Variants in KMT2A observed in about 807,000 individuals in gnomAD.
KMT2A encodes the protein histone-lysine N-methyltransferase 2A.
KMT2A carries 16 observed loss-of-function variants against 345.3 expected under a neutral mutation model. The observed-to-expected ratio is 0.05, with a 90% CI of 0.03 to 0.07. KMT2A has a LOEUF of 0.07. Among genes scored for constraint, KMT2A ranks in the 10% least tolerant of loss-of-function variants. The pLI, the probability that KMT2A is intolerant of heterozygous loss-of-function variation, is 1.00. For synonymous variants in KMT2A, 1,599 were observed against 1,778.6 expected, an observed-to-expected ratio of 0.90 and a Z score of 2.54; for missense variants, 3,272 against 4,841.6, an observed-to-expected ratio of 0.68 and a Z score of 9.62.
intron 1 of KMT2A, among the ~76,000 whole-genome samples, chr11:118,446,327 G>A (rs1391797253): frequency 6.6e-6 from 1 of 152,136 alleles, no homozygotes; most frequent in Admixed American, 6.6e-5. Flanking sequence ...CCATCCTGGA[G>A]GATAGAGTGA....
At chr11:118,469,081 G>A (rs915953441) in intron 2 of KMT2A, among the ~76,000 whole-genome samples, 12 of 151,952 alleles carry the variant, frequency 7.9e-5, no homozygotes, top group Middle Eastern at 3.2e-3. Flanking sequence ...ATGCTGGTGC[G>A]CTGCACCCAC....
intron 27 of KMT2A, 133 bp from the exon 28 acceptor site, chr11:118,507,396 G>A (rs184959184): frequency 1.4e-6 from 1 of 708,148 alleles, no homozygotes; most frequent in East Asian, 2.7e-5. Context: ...TAACCTTTAT[G>A]ACCTTAGGTC....
At chr11:118,461,835 A>G (rs1336071923) in intron 1 of KMT2A, among the ~76,000 whole-genome samples, 1 of 152,194 alleles carries the variant, frequency 6.6e-6, no homozygotes, top group African/African-American at 2.4e-5. Context: ...CAACACTCTT[A>G]CCTTGTTTCC....
At chr11:118,449,678 C>CT (rs1555028239) in intron 1 of KMT2A, 1 of 151,844 alleles carries the variant, frequency 6.6e-6, no homozygotes, top group African/African-American at 2.4e-5. Flanking sequence ...CTTTTGTCAT[C>CT]TAATTTTACA....
chr11:118,496,009 TCATCCTTAAATGTAATAC>T lies in KMT2A; in HGVS notation c.5557+121_5557+138del. 3.0e-6 allele frequency: 3 copies of T among 985,258 alleles called. No individual in the cohort carries two copies. Among genetic ancestry groups the T allele is most frequent in the Non-Finnish European group, 4.6e-6 (3 of 653,288 alleles). The allele number at this position is 985,258 out of a possible 1,614,324, so 61.0% of individuals were successfully genotyped here. On this transcript the variant is annotated intron_variant, in intron 19 of 35. Transcript: ENST00000534358. This position sits in a 1 kb window ranked among gnomAD's most constrained non-coding sequence, Gnocchi z 4.7. ...TGGATATCAGAAAGGAATTTTCAGG[TCATCCTTAAATGTAATAC>T]CATCATTAATTTTGCTTCACTTGAG...
intron 28 of KMT2A, among the ~76,000 whole-genome samples, chr11:118,508,628 C>G (rs181350301): frequency 6.7e-6 from 1 of 149,740 alleles, no homozygotes. Flanking sequence ...CAAGCTAAGG[C>G]GGGAGGATTG....
rs1289509380 is a variant in KMT2A at position 118,473,058 on chromosome 11, C to T, written c.1899C>T (p.Ser633=). 6.2e-7 allele frequency: 1 copy of T among 1,614,012 alleles called. No individual in the cohort carries two copies. The highest frequency in any genetic ancestry group is 2.2e-5 in the East Asian group (1 of 44,890). The change falls in exon 3 of 36, where the codon TCC becomes TCT. Residue 633 remains serine, a synonymous_variant. Coordinates refer to ENST00000534358, the MANE Select transcript of KMT2A (RefSeq NM_001197104.2). This position sits in a 1 kb window ranked among gnomAD's most constrained non-coding sequence, Gnocchi z 5.2. ...CTAGGTCAGAGCCACAATACTTTTC[C>T]TCAGCAAAGTATGCCAAAGAAGGTC... ...KHSRSEPQYF[S]SAKYAKEGLI...
Position 118,491,132 on chromosome 11 carries a change from C to A in KMT2A, c.4697-64C>A. The stretch of plus-strand genomic sequence containing the variant: ...TTAGATTGGGTTGGTAAATGCAAGT[C>A]GAGGGCCGTAAAAACACGGGTATGT... On this transcript the variant is annotated intron_variant, in intron 13 of 35. Coordinates refer to ENST00000534358, the MANE Select transcript of KMT2A (RefSeq NM_001197104.2). The surrounding 1 kb of genome is among the most constrained non-coding windows in gnomAD (Gnocchi z 4.2). 1 of 1,569,256 alleles carries A rather than the reference C, an allele frequency of 6.4e-7. No individual in the cohort carries two copies. The highest frequency in any genetic ancestry group is 8.7e-7 in the Non-Finnish European group (1 of 1,153,828).
intron 1 of KMT2A, among the ~76,000 whole-genome samples, chr11:118,463,016 C>A (rs1311997750): frequency 6.6e-6 from 1 of 152,142 alleles, no homozygotes; most frequent in Admixed American, 6.5e-5. Context: ...GAATACATTG[C>A]AGTTAGGATT....
chr11:118,488,816 T>A, intron 11 of KMT2A, 56 bp downstream of exon 11: 1 of 1,555,416 alleles, frequency 6.4e-7, no homozygotes, highest in Non-Finnish European at 8.8e-7. Context: ...GGGTTCTGTA[T>A]CCCTGGACTC....
intron 1 of KMT2A, among the ~76,000 whole-genome samples, chr11:118,455,658 C>CTTA (rs1284462517): frequency 6.6e-6 from 1 of 150,762 alleles, no homozygotes; most frequent in Non-Finnish European, 1.5e-5. Context: ...CTCTCTGCCC[C>CTTA]TTATTATTAT....
In KMT2A at chr11:118,488,746, C is replaced by T. The variant is rs1950274287; in HGVS notation, c.4465C>T (p.His1489Tyr). Residue 1489 changes from histidine (H) to tyrosine (Y), a missense_variant, in exon 11 of 36, where the codon CAT (histidine) becomes TAT (tyrosine). His to Tyr is a moderately conservative substitution (Grantham distance 83). Around this residue, in one of 27 missense-constraint regions of KMT2A, gnomAD observed 120 missense variants for 280.4 expected, o/e 0.43. Transcript: ENST00000534358. ...ATTCTGTCACGTTTGTGGAAGGCAA[C>T]ATCAGGCTACAAAGGTACAAAACTT... ...CKFCHVCGRQ[H>Y]QATKQLLECN... is the part of the protein sequence containing the mutation. 3 of 1,613,976 alleles carry T rather than the reference C, an allele frequency of 1.9e-6. No homozygotes were observed. Among genetic ancestry groups the T allele is most frequent in the South Asian group, 2.2e-5 (2 of 91,070 alleles).
intron 1 of KMT2A, among the ~76,000 whole-genome samples, chr11:118,445,341 A>G (rs1207058158): frequency 6.6e-6 from 1 of 152,214 alleles, no homozygotes; most frequent in Non-Finnish European, 1.5e-5. Flanking sequence ...CAGTGCCTCC[A>G]TGAGTTGCTA....
At position 118,521,868 on chromosome 11, in the gene KMT2A, A is replaced by G. The variant is rs1555053668; in HGVS notation, c.11644-29A>G. ...AAAGCTGAGTTTATAAGAAATGACA[A>G]GTTCTTCTCCCTTCTTCTGCATGTG... is the stretch of plus-strand genomic sequence containing the variant. On this transcript the variant is annotated intron_variant, in intron 35 of 35. Coordinates refer to ENST00000534358, the MANE Select transcript of KMT2A (RefSeq NM_001197104.2). The surrounding 1 kb of genome is among the most constrained non-coding windows in gnomAD (Gnocchi z 5.3). The G allele has an allele frequency of 1.2e-6, 2 of 1,600,136 alleles. No individual in the cohort carries two copies. The highest frequency in any genetic ancestry group is 3.3e-5 in the Admixed American group (2 of 59,804).
In KMT2A at chr11:118,505,636, T is replaced by G; in HGVS notation, c.9744T>G (p.Pro3248=). Residue 3248 remains proline, a synonymous_variant, in exon 27 of 36, where the codon CCT becomes CCG. Coordinates refer to ENST00000534358, the MANE Select transcript of KMT2A (RefSeq NM_001197104.2). This position sits in a 1 kb window ranked among gnomAD's most constrained non-coding sequence, Gnocchi z 4.6. ...APSSTPSNIA[P]SDVVSNMTLI... is the part of the protein sequence containing the mutation. ...CTAGTACCCCTTCAAACATTGCCCC[T>G]TCTGATGTGGTTTCTAATATGACAT... 3.1e-6 allele frequency: 5 copies of G among 1,614,164 alleles called. No individual in the cohort carries two copies. Among genetic ancestry groups the G allele is most frequent in the Non-Finnish European group, 4.2e-6 (5 of 1,180,022 alleles).
Position 118,520,642 on chromosome 11 carries a change from C to T in KMT2A, c.11430-160C>T. 1 of 613,544 alleles carries T rather than the reference C, an allele frequency of 1.6e-6. No individual in the cohort carries two copies. Among genetic ancestry groups the T allele is most frequent in the Non-Finnish European group, 2.9e-6 (1 of 339,484 alleles). The allele number at this position is 613,544 out of a possible 1,614,324, so 38.0% of individuals were successfully genotyped here. On this transcript the variant is annotated intron_variant, in intron 33 of 35. Coordinates refer to ENST00000534358, the MANE Select transcript of KMT2A (RefSeq NM_001197104.2). The surrounding 1 kb of genome is among the most constrained non-coding windows in gnomAD (Gnocchi z 4.3). Reference sequence around the variant, plus strand: ...CTCCAGCCTGGGCGACAGAGCGAAACTCCATCTCAAAAAAAAAAGGGGGGC... The same window carrying T: ...CTCCAGCCTGGGCGACAGAGCGAAATTCCATCTCAAAAAAAAAAGGGGGGC...
chr11:118,482,045 C>T lies in KMT2A; in HGVS notation c.3965C>T (p.Thr1322Ile). 6.2e-7 allele frequency: 1 copy of T among 1,613,996 alleles called. No homozygotes were observed. The highest frequency in any genetic ancestry group is 1.1e-5 in the South Asian group (1 of 91,080). Residue 1322 changes from threonine to isoleucine, a missense_variant, in exon 7 of 36, where the codon ACC (threonine) becomes ATC (isoleucine). By Grantham distance (89) the Thr-to-Ile change is moderately conservative. Around this residue, in one of 27 missense-constraint regions of KMT2A, gnomAD observed 168 missense variants for 216.0 expected, o/e 0.78. Coordinates refer to ENST00000534358, the MANE Select transcript of KMT2A (RefSeq NM_001197104.2). ...CCGCCAAGAAAAGAAGTTCCCAAAA[C>T]CACTCCTAGTGAGCCCAAGAAAAAG... Reference protein sequence around the residue: ...TGPPRKEVPKTTPSEPKKKQP... With the variant: ...TGPPRKEVPKITPSEPKKKQP...
chr11:118,442,986 TTTG>T (rs1181558051), intron 1 of KMT2A, among the ~76,000 whole-genome samples: 1 of 152,088 alleles, frequency 6.6e-6, no homozygotes, highest in Non-Finnish European at 1.5e-5. Flanking sequence ...AAGGGCTATT[TTTG>T]TTGTTGTTAT....
intron 27 of KMT2A, among the ~76,000 whole-genome samples, 179 bp downstream of exon 27, chr11:118,506,825 C>A (rs1239929645): frequency 1.3e-5 from 2 of 152,114 alleles, no homozygotes; most frequent in Non-Finnish European, 2.9e-5. Context: ...AATGTAGTTC[C>A]ATCCATGGGC....
Sources: gnomAD v4.1 joint callset for allele counts (sites outside exome capture counted in the v4.1 genomes callset) on GRCh38, gnomAD v4.1.1 for gene constraint, gnomAD v4.1.1 regional missense constraint, Gnocchi (gnomAD v3.1) non-coding constraint, MANE v1.5 for transcripts, NCBI Gene and HGNC (gene_info 2026-07-23, HGNC 2026-07-21) for gene names.